NPHP3: variants seen among roughly 807,000 people sequenced by gnomAD.
The protein encoded by NPHP3 is nephrocystin 3.
In NPHP3, 123 loss-of-function variants were observed where a neutral mutation model predicts 171.9. The ratio of observed to expected loss-of-function variants is 0.72; its 90% confidence interval spans 0.62 to 0.83. The LOEUF (loss-of-function observed/expected upper bound fraction) is 0.83. Among genes scored for constraint, NPHP3 ranks in the 40% least tolerant of loss-of-function variants. The probability of loss-of-function intolerance (pLI) is 0.00; values close to 1 mark genes in which losing one functional copy is unlikely to be tolerated. For synonymous variants in NPHP3, 558 were observed against 579.2 expected (o/e 0.96, Z 0.52); for missense variants, 1,506 against 1,591.9 (o/e 0.95, Z 0.92).
intron 16 of NPHP3, 67 bp from the exon 17 acceptor site, chr3:132,692,885 G>A (rs1168585942): frequency 7.6e-7 from 1 of 1,315,820 alleles, no homozygotes; most frequent in African/African-American, 1.5e-5. Flanking sequence ...GCCATTAAAA[G>A]TTCCATAATT....
rs2107996221 is a variant in NPHP3 at position 132,713,108 on chromosome 3, C to T, written c.1118+18G>A. 7.6e-7 allele frequency: 1 copy of T among 1,320,760 alleles called. No individual in the cohort carries two copies. The highest frequency in any genetic ancestry group is 1.1e-6 in the Non-Finnish European group (1 of 941,646). The allele number at this position is 1,320,760 out of a possible 1,614,324, so 81.8% of individuals were successfully genotyped here. On this transcript the variant is annotated intron_variant, in intron 6 of 26. Transcript: ENST00000337331. ...ACAGTTTACTGCTTATAATAAATTA[C>T]ATTTTTTTTCAGCTTACCTTGGTAA...
intron 18 of NPHP3, 73 bp from the exon 19 acceptor site, chr3:132,690,723 G>T: frequency 6.9e-7 from 1 of 1,444,774 alleles, no homozygotes; most frequent in Non-Finnish European, 9.7e-7. Flanking sequence ...TCAGGCAAAT[G>T]TCAAAGGAAG....
chr3:132,716,636 G>A (rs957797068), intron 4 of NPHP3, 121 bp downstream of exon 4: 6 of 1,080,278 alleles, frequency 5.6e-6, no homozygotes, highest in South Asian at 2.6e-5. Flanking sequence ...GTTTGTCAAT[G>A]GAAAGCACTA....
At position 132,682,855 on chromosome 3, in the gene NPHP3, G is replaced by T. The variant is rs1444698585; in HGVS notation, c.3697-37C>A. On this transcript the variant is annotated intron_variant, in intron 25 of 26. Transcript: ENST00000337331. ...AAATGATAATGCTCATGCACACTGGGTTTCTGAAATTAATGTATTCTAGAC... is the reference window on the plus strand; with the variant it reads ...AAATGATAATGCTCATGCACACTGGTTTTCTGAAATTAATGTATTCTAGAC... 3.0e-6 allele frequency: 4 copies of T among 1,314,636 alleles called. No individual in the cohort carries two copies. The Admixed American group carries it at 6.7e-5, about 22-fold the overall frequency. 81.4% of individuals were successfully genotyped at this position (1,314,636 alleles called of 1,614,324 possible).
chr3:132,683,391 G>T lies in NPHP3; in HGVS notation c.3696+8C>A. ...TCACTGATACAACGTTAAAATATGGGAACTTACCATTTGGCTATAAAGAAC... is the reference window on the plus strand; with the variant it reads ...TCACTGATACAACGTTAAAATATGGTAACTTACCATTTGGCTATAAAGAAC... On this transcript the variant is annotated splice_region_variant and intron_variant, in intron 25 of 26. Coordinates refer to ENST00000337331, the MANE Select transcript of NPHP3 (RefSeq NM_153240.5). 6.2e-7 allele frequency: 1 copy of T among 1,611,806 alleles called. No individual in the cohort carries two copies. Among genetic ancestry groups the T allele is most frequent in the South Asian group, 1.1e-5 (1 of 90,968 alleles).
chr3:132,695,927 C>A (rs868049893), intron 15 of NPHP3, among the ~76,000 whole-genome samples: 10 of 152,188 alleles, frequency 6.6e-5, no homozygotes, highest in African/African-American at 2.4e-4. Flanking sequence ...GAGAGTGAGA[C>A]ACTGTCTCAA....
chr3:132,688,976 C>T, intron 20 of NPHP3, 85 bp from the exon 21 acceptor site: 2 of 1,611,416 alleles, frequency 1.2e-6, no homozygotes, highest in Non-Finnish European at 1.7e-6. Context: ...AGGATTATAG[C>T]ACAACAAATG....
chr3:132,709,334 G>A (rs1432656380), intron 6 of NPHP3, among the ~76,000 whole-genome samples: 1 of 117,298 alleles, frequency 8.5e-6, no homozygotes. Context: ...CCAGCCTGGT[G>A]TGCAGTGGTG....
At chr3:132,718,606 T>C (rs1940119165) in intron 3 of NPHP3, among the ~76,000 whole-genome samples, 1 of 152,222 alleles carries the variant, frequency 6.6e-6, no homozygotes. Flanking sequence ...TTCCCAGTTA[T>C]AGTTCTGACT....
chr3:132,697,515 TTAATA>T (rs1456995621), intron 13 of NPHP3, among the ~76,000 whole-genome samples, 153 bp from the exon 14 acceptor site: 3 of 120,388 alleles, frequency 2.5e-5, no homozygotes, highest in Non-Finnish European at 4.8e-5. Flanking sequence ...TATTAAGTAA[TTAATA>T]TATCTTATTC....
intron 19 of NPHP3, 134 bp downstream of exon 19, chr3:132,690,394 A>G: frequency 2.5e-6 from 2 of 815,090 alleles, no homozygotes; most frequent in Non-Finnish European, 3.9e-6. Flanking sequence ...AAATTGTCTC[A>G]AGATTTCTCC....
Position 132,687,177 on chromosome 3 carries a change from T to G in NPHP3, c.3175A>C (p.Lys1059Gln), listed in dbSNP as rs755537137. The G allele has an allele frequency of 2.0e-6, 3 of 1,477,614 alleles. No individual in the cohort carries two copies. The highest frequency in any genetic ancestry group is 2.8e-6 in the Non-Finnish European group (3 of 1,058,548). The allele number at this position is 1,477,614 out of a possible 1,614,324, so 91.5% of individuals were successfully genotyped here. A position where few individuals can be genotyped will look rare whatever the true frequency, so the allele number is the denominator to read the frequency against. Residue 1059 changes from lysine (K) to glutamine (Q), a missense_variant, in exon 22 of 27, where the codon AAA (lysine) becomes CAA (glutamine). Around this residue, in one of 3 missense-constraint regions of NPHP3, gnomAD observed 569 missense variants for 648.1 expected, o/e 0.88. Transcript: ENST00000337331. ...FRKKSFKIHQ[K>Q]AIKKKGNLYG... is the part of the protein sequence containing the mutation. ...AAGTTGCCTTTTTTCTTTATAGCTT[T>G]CTGATGAATTTTAAAGGATTTTTTC...
intron 17 of NPHP3, among the ~76,000 whole-genome samples, chr3:132,692,413 T>G (rs1046743236): frequency 6.6e-6 from 1 of 152,250 alleles, no homozygotes; most frequent in African/African-American, 2.4e-5. Context: ...CTTTTGTGTC[T>G]GACTTATTTT....
In NPHP3 at chr3:132,722,013, G is replaced by A; in HGVS notation, c.343C>T (p.Arg115Cys). ...TTCTCCGTGTCCAGCTTGGCCTCGC[G>A]GCGGCCCATGGACAACAACTCCTGG... Reference protein sequence around the residue: ...KNQELLSMGRREAKLDTENKR... With the variant: ...KNQELLSMGRCEAKLDTENKR... Residue 115 changes from arginine (R) to cysteine (C), a missense_variant, in exon 1 of 27, where the codon CGC becomes TGC. Physicochemically the swap from Arg to Cys is radical, Grantham distance 180. Coordinates refer to ENST00000337331, the MANE Select transcript of NPHP3 (RefSeq NM_153240.5). 6.2e-7 allele frequency: 1 copy of A among 1,613,146 alleles called. No homozygotes were observed. Among genetic ancestry groups the A allele is most frequent in the South Asian group, 1.1e-5 (1 of 91,072 alleles).
At chr3:132,705,718 C>T (rs992082873) in intron 8 of NPHP3, 22 bp downstream of exon 8, 1 of 1,149,736 alleles carries the variant, frequency 8.7e-7, no homozygotes, top group Admixed American at 1.8e-5. Context: ...TAGATGAAAA[C>T]TTACAGAGAA....
In NPHP3 at chr3:132,722,315, TCCC is replaced by T. The variant is rs960892169; in HGVS notation, c.38_40del (p.Gly13del). On this transcript the variant is annotated inframe_deletion, in exon 1 of 27. Coordinates refer to ENST00000337331, the MANE Select transcript of NPHP3 (RefSeq NM_153240.5). ...CGCCCCGTACGTGTCCTCGATCACTTCCCCGCCCGCGGGGCTCACGAGCGACGA... is the reference window on the plus strand; with the variant it reads ...CGCCCCGTACGTGTCCTCGATCACTTCGCCCGCGGGGCTCACGAGCGACGA... 1 of 1,580,932 alleles carries T rather than the reference TCCC, an allele frequency of 6.3e-7. No homozygotes were observed. The highest frequency in any genetic ancestry group is 1.4e-5 in the African/African-American group (1 of 72,356).
In NPHP3 at chr3:132,688,858, G is replaced by A. The variant is rs769291880; in HGVS notation, c.2917C>T (p.Arg973Ter). The A allele has an allele frequency of 4.3e-6, 7 of 1,614,018 alleles. No homozygotes were observed. Among genetic ancestry groups the A allele is most frequent in the African/African-American group, 2.7e-5 (2 of 75,014 alleles). The change falls in exon 21 of 27, where the codon CGA (arginine) becomes TGA (stop). Residue 973 changes from arginine (R) to a stop codon, truncating the protein, a stop_gained. Coordinates refer to ENST00000337331, the MANE Select transcript of NPHP3 (RefSeq NM_153240.5). LOFTEE classifies it high-confidence loss of function. ...TGATCGGGATCTAAAGCTGTTTCTCGAATCTCTAAAGACCTCTGCAAAGGT... is the reference window on the plus strand; with the variant it reads ...TGATCGGGATCTAAAGCTGTTTCTCAAATCTCTAAAGACCTCTGCAAAGGT... ...IVPLQRSLEIRETALDPDHPR... is the reference protein window; with the variant it reads ...IVPLQRSLEI
At chr3:132,686,137 C>T in intron 23 of NPHP3, 123 bp downstream of exon 23, 1 of 942,472 alleles carries the variant, frequency 1.1e-6, no homozygotes, top group Admixed American at 1.7e-5. Context: ...TAACATCATA[C>T]ATGAAATTTT....
intron 11 of NPHP3, 33 bp from the exon 12 acceptor site, chr3:132,700,094 G>C: frequency 6.2e-7 from 1 of 1,608,926 alleles, no homozygotes; most frequent in Non-Finnish European, 8.5e-7. Context: ...AACTGAAGTA[G>C]TTACACGTAG....
Sources: allele counts gnomAD v4.1 joint callset (sites outside exome capture counted in the v4.1 genomes callset), GRCh38; gene constraint gnomAD v4.1.1; regional missense constraint gnomAD v4.1.1; transcripts MANE v1.5; gene names NCBI Gene and HGNC (gene_info 2026-07-23, HGNC 2026-07-21).